The following ZNF536 variants were observed in gnomAD, a reference collection of about 807,000 sequenced individuals.
ZNF536 encodes zinc finger protein 536.
Under a neutral mutation model 84.5 loss-of-function variants are expected in ZNF536, and 13 were observed. The ratio of observed to expected loss-of-function variants is 0.15; its 90% CI spans 0.10 to 0.24. ZNF536 has a LOEUF of 0.24. ZNF536 is among the 10% of genes least tolerant of loss of function. The probability of loss-of-function intolerance (pLI) is 1.00; values close to 1 mark genes in which losing one functional copy is unlikely to be tolerated. For missense variants in ZNF536, 1,536 were observed against 1,747.5 expected, an observed-to-expected ratio of 0.88 and a Z score of 2.16; for synonymous variants, 811 against 742.5, an observed-to-expected ratio of 1.09 and a Z score of -1.50.
At chr19:30,640,972 C>G (rs1295390097) in intron 1 of ZNF536, among the ~76,000 whole-genome samples, 2 of 152,212 alleles carry the variant, frequency 1.3e-5, no homozygotes, top group East Asian at 1.9e-4. Context: ...CATGAAAACC[C>G]TATGCAGCTG....
At chr19:30,459,981 A>G (rs2053058108) in intron 2 of ZNF536, among the ~76,000 whole-genome samples, 1 of 152,032 alleles carries the variant, frequency 6.6e-6, no homozygotes, top group Admixed American at 6.6e-5. Context: ...GAAGGTCTGG[A>G]CTCTAACTGA....
At chr19:30,550,991 A>G (rs1441707284) in intron 4 of ZNF536, among the ~76,000 whole-genome samples, 1 of 152,154 alleles carries the variant, frequency 6.6e-6, no homozygotes, top group Non-Finnish European at 1.5e-5. Context: ...AGAAGGGAAA[A>G]AAGCGTTTTA....
At chr19:30,583,584 A>G (rs1484261429) in intron 1 of ZNF536, among the ~76,000 whole-genome samples, 3 of 152,176 alleles carry the variant, frequency 2.0e-5, no homozygotes, top group South Asian at 4.1e-4. Flanking sequence ...ACTTCCTTCC[A>G]GAATCAAGGC....
intron 2 of ZNF536, among the ~76,000 whole-genome samples, chr19:30,498,117 T>C (rs1307789834): frequency 1.3e-5 from 2 of 152,240 alleles, no homozygotes; most frequent in African/African-American, 2.4e-5. Flanking sequence ...TAAATCATTC[T>C]ATCATAAAGA....
At chr19:30,569,632 A>G (rs1334209004) in intron 1 of ZNF536, among the ~76,000 whole-genome samples, 1 of 125,654 alleles carries the variant, frequency 8.0e-6, no homozygotes, top group African/African-American at 3.2e-5. Context: ...GTGCAGTGGC[A>G]TGATCTCCAC....
chr19:30,536,245 G>A (rs768407782), intron 3 of ZNF536, among the ~76,000 whole-genome samples: 11 of 152,046 alleles, frequency 7.2e-5, no homozygotes, highest in Non-Finnish European at 1.3e-4. Context: ...TTCTTCCAAT[G>A]CAGAATGCCT....
At chr19:30,513,257 C>T (rs1399182992) in intron 2 of ZNF536, among the ~76,000 whole-genome samples, 4 of 152,134 alleles carry the variant, frequency 2.6e-5, no homozygotes, top group African/African-American at 9.7e-5. Context: ...TGAGGGTTTG[C>T]TGTTTCCTTC....
At chr19:30,625,918 G>A (rs1390134224) in intron 1 of ZNF536, among the ~76,000 whole-genome samples, 1 of 152,132 alleles carries the variant, frequency 6.6e-6, no homozygotes, top group African/African-American at 2.4e-5. Flanking sequence ...AAAAATGGTA[G>A]CTGCCCTATA....
At chr19:30,656,751 C>T (rs924187232) in intron 1 of ZNF536, among the ~76,000 whole-genome samples, 7 of 152,168 alleles carry the variant, frequency 4.6e-5, no homozygotes, top group East Asian at 1.9e-4. Flanking sequence ...CCTGACACTG[C>T]GGGACAGGCA....
At chr19:30,568,218 C>T (rs937897338) in intron 1 of ZNF536, among the ~76,000 whole-genome samples, 11 of 151,946 alleles carry the variant, frequency 7.2e-5, no homozygotes, top group Non-Finnish European at 1.5e-4. Flanking sequence ...ATACATAAAC[C>T]CAATTTGGTT....
intron 2 of ZNF536, among the ~76,000 whole-genome samples, chr19:30,302,141 G>C (rs770726817): frequency 1.3e-5 from 2 of 152,214 alleles, no homozygotes; most frequent in Non-Finnish European, 2.9e-5. Context: ...AGAGAAAGTC[G>C]TTCTAAAATA....
chr19:30,693,824 G>T (rs2051532512), intron 1 of ZNF536, among the ~76,000 whole-genome samples: 1 of 152,148 alleles, frequency 6.6e-6, no homozygotes, highest in South Asian at 2.1e-4. Flanking sequence ...TATACTGTGG[G>T]TATGGATTGC....
chr19:30,693,628 T>C (rs367817233), intron 1 of ZNF536, among the ~76,000 whole-genome samples: 9 of 152,212 alleles, frequency 5.9e-5, no homozygotes, highest in African/African-American at 2.2e-4. Flanking sequence ...TTTTATTTTA[T>C]TTATTTATGT....
At chr19:30,578,045 C>G (rs565003325) in intron 1 of ZNF536, among the ~76,000 whole-genome samples, 2 of 152,240 alleles carry the variant, frequency 1.3e-5, no homozygotes, top group Admixed American at 1.3e-4. Context: ...GGCAACAGTG[C>G]GGCTTTTGTG....
intron 2 of ZNF536, among the ~76,000 whole-genome samples, chr19:30,458,221 CT>C (rs1036357144): frequency 6.6e-6 from 1 of 152,092 alleles, no homozygotes. Flanking sequence ...TGGGCTTTGG[CT>C]TTTTCCTCCA....
chr19:30,562,002 A>G (rs1269594888), downstream of ZNF536, among the ~76,000 whole-genome samples: 4 of 152,164 alleles, frequency 2.6e-5, no homozygotes, highest in African/African-American at 4.8e-5. Flanking sequence ...AGGGAAGTGC[A>G]TGGCCTCTCA....
At chr19:30,449,732 G>T (rs2148293087) in intron 2 of ZNF536, among the ~76,000 whole-genome samples, 1 of 152,274 alleles carries the variant, frequency 6.6e-6, no homozygotes, top group South Asian at 2.1e-4. Flanking sequence ...ACTACTTCTG[G>T]TATAATATTT....
intron 2 of ZNF536, among the ~76,000 whole-genome samples, chr19:30,530,495 C>T (rs1178004173): frequency 6.6e-6 from 1 of 152,112 alleles, no homozygotes; most frequent in African/African-American, 2.4e-5. Flanking sequence ...TACAGGCACG[C>T]ACCATCATGC....
At chr19:30,508,552 C>T (rs540052972) in intron 2 of ZNF536, among the ~76,000 whole-genome samples, 8 of 152,174 alleles carry the variant, frequency 5.3e-5, no homozygotes, top group East Asian at 3.9e-4. Flanking sequence ...TGAGTCTTTG[C>T]GGCCCACAGA....
Sources: allele counts gnomAD v4.1 joint callset (sites outside exome capture counted in the v4.1 genomes callset), GRCh38; gene constraint gnomAD v4.1.1; transcripts MANE v1.5; gene names NCBI Gene and HGNC (gene_info 2026-07-23, HGNC 2026-07-21).